The following INO80 variants were observed in gnomAD, a reference collection of about 807,000 sequenced individuals.
The protein encoded by INO80 is INO80 complex ATPase subunit, also known as chromatin-remodeling ATPase INO80.
INO80 carries 20 observed loss-of-function variants against 203.4 expected under a neutral mutation model. The ratio of observed to expected loss-of-function variants is 0.10; its 90% CI spans 0.07 to 0.14. The LOEUF (loss-of-function observed/expected upper bound fraction) is 0.14, where lower values mean the gene tolerates loss of function less well. Ranked by LOEUF, INO80 falls within the 10% of genes least tolerant of loss-of-function variation. INO80 has a pLI of 1.00. For missense variants in INO80, 1,419 were observed against 1,914.4 expected (o/e 0.74, Z 4.83); for synonymous variants, 726 against 685.2 (o/e 1.06, Z -0.93).
At chr15:41,097,387 G>A (rs1023620613) in intron 1 of INO80, among the ~76,000 whole-genome samples, 1 of 151,920 alleles carries the variant, frequency 6.6e-6, no homozygotes, top group African/African-American at 2.4e-5. Flanking sequence ...CCTTATACCT[G>A]GTTATCTCTA....
chr15:41,103,627 G>GTGATCC (rs1360874250), intron 1 of INO80, among the ~76,000 whole-genome samples: 1 of 152,132 alleles, frequency 6.6e-6, no homozygotes, highest in African/African-American at 2.4e-5. Flanking sequence ...CTGAACTCAA[G>GTGATCC]TGATCCACCT....
chr15:41,100,689 ATTT>A (rs1229746104), intron 1 of INO80, among the ~76,000 whole-genome samples: 1 of 152,136 alleles, frequency 6.6e-6, no homozygotes, highest in African/African-American at 2.4e-5. Context: ...ACCAAGTTAT[ATTT>A]TTTAAGTGTT....
intron 31 of INO80, 24 bp downstream of exon 31, chr15:40,987,067 T>C (rs553185983): frequency 1.1e-5 from 14 of 1,294,916 alleles, no homozygotes; most frequent in Admixed American, 6.8e-5. Flanking sequence ...GTGAGGGGAG[T>C]GTATAGAGGT....
chr15:41,104,704 ATT>A (rs546787597), intron 1 of INO80, among the ~76,000 whole-genome samples: 1 of 151,480 alleles, frequency 6.6e-6, no homozygotes. Context: ...CACCTGGCTA[ATT>A]TTTTTTGTAT....
chr15:41,099,290 A>G (rs1428044267), intron 1 of INO80, among the ~76,000 whole-genome samples: 1 of 146,328 alleles, frequency 6.8e-6, no homozygotes, highest in Non-Finnish European at 1.5e-5. Flanking sequence ...CACACACACA[A>G]CAAGAGAGTG....
At chr15:41,044,822 T>A in intron 24 of INO80, 82 bp downstream of exon 24, 2 of 1,412,278 alleles carry the variant, frequency 1.4e-6, no homozygotes, top group South Asian at 3.0e-5. Context: ...AGGCCTTCAT[T>A]TACTTTACTA....
chr15:41,016,616 T>C (rs573554076), intron 26 of INO80, among the ~76,000 whole-genome samples: 3 of 152,254 alleles, frequency 2.0e-5, no homozygotes, highest in Non-Finnish European at 2.9e-5. Context: ...TATCTGTTTC[T>C]GCTAGTTCTG....
intron 27 of INO80, among the ~76,000 whole-genome samples, chr15:41,014,287 C>G (rs569542473): frequency 6.8e-4 from 103 of 152,266 alleles, no homozygotes; most frequent in African/African-American, 2.3e-3. Flanking sequence ...TTACCAGTAT[C>G]CTTAGCATAC....
rs190079184 is a variant in INO80 at position 41,053,566 on chromosome 15, A to G, written c.2274+363T>C. ...TTTAAAAAAACCAAATCTTTTAGAA[A>G]TATACATGAAAATACTTCATAAACA... On this transcript the variant is annotated intron_variant, in intron 19 of 35. Coordinates refer to ENST00000648947, the MANE Select transcript of INO80 (RefSeq NM_017553.3). Among the ~76,000 whole-genome samples, 156 of 152,338 alleles carry G rather than the reference A, an allele frequency of 1.0e-3. 1 individual carries two copies. Among genetic ancestry groups the G allele is most frequent in the African/African-American group, 2.4e-3 (100 of 41,576 alleles).
At chr15:41,059,248 C>T (rs919890878) in intron 15 of INO80, among the ~76,000 whole-genome samples, 9 of 151,542 alleles carry the variant, frequency 5.9e-5, no homozygotes, top group African/African-American at 1.9e-4. Flanking sequence ...AGGCATGAGC[C>T]ACCATGCCCG....
At chr15:40,991,252 T>C (rs1380740140) in intron 29 of INO80, among the ~76,000 whole-genome samples, 1 of 152,074 alleles carries the variant, frequency 6.6e-6, no homozygotes, top group Non-Finnish European at 1.5e-5. Context: ...AGGTGGGGAA[T>C]TTGGGAGGAA....
chr15:40,982,544 A>G (rs79369619), intron 35 of INO80, among the ~76,000 whole-genome samples: 2 of 152,360 alleles, frequency 1.3e-5, no homozygotes, highest in African/African-American at 4.8e-5. Flanking sequence ...TTGGATTACT[A>G]AAATGTGGAT....
At position 40,987,805 on chromosome 15, in the gene INO80, C is replaced by A; in HGVS notation, c.3729+11G>T. The stretch of plus-strand genomic sequence containing the variant: ...TCCACCAGTGTAGGAATTTCTTTCT[C>A]TTGTGCTTACCTCACTCTTCTCCTT... On this transcript the variant is annotated intron_variant, in intron 30 of 35. Coordinates refer to ENST00000648947, the MANE Select transcript of INO80 (RefSeq NM_017553.3). 1 of 1,610,828 alleles carries A rather than the reference C, an allele frequency of 6.2e-7. No homozygotes were observed. Among genetic ancestry groups the A allele is most frequent in the South Asian group, 1.1e-5 (1 of 90,658 alleles).
At chr15:41,070,042 T>C (rs899615944) in intron 13 of INO80, among the ~76,000 whole-genome samples, 3 of 152,202 alleles carry the variant, frequency 2.0e-5, no homozygotes, top group African/African-American at 4.8e-5. Context: ...ATTTAATTCT[T>C]ATAAAATTCC....
intron 35 of INO80, 93 bp downstream of exon 35, chr15:40,982,769 C>CT: frequency 9.5e-7 from 1 of 1,051,108 alleles, no homozygotes; most frequent in Non-Finnish European, 1.4e-6. Flanking sequence ...AAGCTCCCGG[C>CT]TTCAGGGTTT....
chr15:41,087,829 A>C, intron 5 of INO80, 147 bp from the exon 6 acceptor site: 1 of 689,632 alleles, frequency 1.5e-6, no homozygotes, highest in South Asian at 3.4e-5. Context: ...TAGTATATCT[A>C]AGGGAATCAC....
In INO80 at chr15:40,980,298, G is replaced by T; in HGVS notation, c.4596C>A (p.His1532Gln). Residue 1532 changes from histidine to glutamine, a missense_variant, in exon 36 of 36, where the codon CAC becomes CAA. Coordinates refer to ENST00000648947, the MANE Select transcript of INO80 (RefSeq NM_017553.3). Reference protein sequence around the residue: ...NNVPGNPKNLHMTSSLAPDSL... With the variant: ...NNVPGNPKNLQMTSSLAPDSL... ...AGTCTGGGGCTAGGCTGCTGGTCATGTGGAGGTTCTTGGGATTCCCAGGAA... is the reference window on the plus strand; with the variant it reads ...AGTCTGGGGCTAGGCTGCTGGTCATTTGGAGGTTCTTGGGATTCCCAGGAA... 1 of 1,613,880 alleles carries T rather than the reference G, an allele frequency of 6.2e-7. No individual in the cohort carries two copies. Among genetic ancestry groups the T allele is most frequent in the Non-Finnish European group, 8.5e-7 (1 of 1,180,022 alleles).
intron 24 of INO80, among the ~76,000 whole-genome samples, chr15:41,044,315 A>T (rs911538940): frequency 1.3e-5 from 2 of 152,228 alleles, no homozygotes; most frequent in Non-Finnish European, 2.9e-5. Context: ...CTACCACAGT[A>T]GAACAGATTA....
At chr15:41,043,063 T>C (rs1044988396) in intron 24 of INO80, among the ~76,000 whole-genome samples, 4 of 152,202 alleles carry the variant, frequency 2.6e-5, no homozygotes, top group African/African-American at 9.7e-5. Flanking sequence ...TACCCACATC[T>C]GCATTTCTCA....
Sources: gnomAD v4.1 joint callset for allele counts (sites outside exome capture counted in the v4.1 genomes callset) on GRCh38, gnomAD v4.1.1 for gene constraint, MANE v1.5 for transcripts, NCBI Gene and HGNC (gene_info 2026-07-23, HGNC 2026-07-21) for gene names.